CD3G: variants seen among roughly 807,000 people sequenced by gnomAD.
The protein encoded by CD3G is T-cell surface glycoprotein CD3 gamma chain.
Under a neutral mutation model 28.3 loss-of-function variants are expected in CD3G, and 24 were observed. That is an observed-to-expected ratio of 0.85 (90% CI 0.61 to 1.19). CD3G has a LOEUF of 1.19. Among genes scored for constraint, CD3G ranks in the 50% most tolerant of loss-of-function variants. The pLI is 0.00. For synonymous variants in CD3G, 71 were observed against 75.9 expected (o/e 0.93, Z 0.34); for missense variants, 211 against 210.0 (o/e 1.00, Z -0.03).
intron 2 of CD3G, chr11:118,349,263 G>A: frequency 6.8e-7 from 1 of 1,471,338 alleles, no homozygotes; most frequent in South Asian, 1.3e-5. Flanking sequence ...GTCTCTTACA[G>A]GAGAAGCAGG....
In CD3G at chr11:118,350,550, A is replaced by G; in HGVS notation, c.308-2A>G. The G allele has an allele frequency of 1.2e-6, 2 of 1,609,456 alleles. No homozygotes were observed. Among genetic ancestry groups the G allele is most frequent in the Non-Finnish European group, 1.7e-6 (2 of 1,175,840 alleles). On this transcript the variant is annotated splice_acceptor_variant, in intron 3 of 6. Transcript: ENST00000532917. LOFTEE classifies it high-confidence loss of function. ...AAGGTTTGTCTCTCCTTTTCCCTACAGTGTGTCAGAACTGCATTGAACTAA... is the reference window on the plus strand; with the variant it reads ...AAGGTTTGTCTCTCCTTTTCCCTACGGTGTGTCAGAACTGCATTGAACTAA...
At chr11:118,347,160 T>G (rs529824448) in intron 1 of CD3G, among the ~76,000 whole-genome samples, 103 of 152,286 alleles carry the variant, frequency 6.8e-4, no homozygotes, top group African/African-American at 2.3e-3. Context: ...TCACACACAC[T>G]CCACCTCTAG....
rs546958326 is a variant in CD3G at position 118,351,048 on chromosome 11, C to G, written c.439+365C>G. On this transcript the variant is annotated intron_variant, in intron 4 of 6. Coordinates refer to ENST00000532917, the MANE Select transcript of CD3G (RefSeq NM_000073.3). ...CTAAAAATACAAAAAATTAGCCGGG[C>G]GTGGTGGCGGGTGCCTGTAGTCCCA... The G allele has an allele frequency of 2.6e-5, 8 of 313,374 alleles. No individual in the cohort carries two copies. In the East Asian group the frequency reaches 8.7e-4, roughly 34 times the overall value. 19.4% of individuals were successfully genotyped at this position (313,374 alleles called of 1,614,324 possible). A position where few individuals can be genotyped will look rare whatever the true frequency, so the allele number is the denominator to read the frequency against.
intron 1 of CD3G, among the ~76,000 whole-genome samples, chr11:118,348,712 C>T: frequency 6.6e-6 from 1 of 152,210 alleles, no homozygotes; most frequent in Non-Finnish European, 1.5e-5. Flanking sequence ...CATCCTGAGT[C>T]ATTGCCATGC....
intron 6 of CD3G, 66 bp downstream of exon 6, chr11:118,352,553 A>C: frequency 2.8e-6 from 3 of 1,070,392 alleles, no homozygotes; most frequent in Non-Finnish European, 4.3e-6. Context: ...ATTGCTTCTA[A>C]GTCTAGCTCC....
chr11:118,352,628 T>C (rs1948420401), intron 6 of CD3G, 141 bp downstream of exon 6: 1 of 704,404 alleles, frequency 1.4e-6, no homozygotes, highest in African/African-American at 1.8e-5. Flanking sequence ...TTTGGGGTAC[T>C]CTTTTCTAAA....
intron 6 of CD3G, among the ~76,000 whole-genome samples, 151 bp from the exon 7 acceptor site, chr11:118,352,968 A>C (rs1200691464): frequency 6.6e-6 from 1 of 152,248 alleles, no homozygotes; most frequent in Non-Finnish European, 1.5e-5. Flanking sequence ...ACCCTTAGTT[A>C]AGAACCACTA....
intron 4 of CD3G, 106 bp downstream of exon 4, chr11:118,350,789 T>C: frequency 6.3e-7 from 1 of 1,593,790 alleles, no homozygotes; most frequent in Non-Finnish European, 8.5e-7. Flanking sequence ...TTCTTGCTAG[T>C]GTGCATAGTT....
At chr11:118,349,568 A>C in intron 2 of CD3G, 175 bp from the exon 3 acceptor site, 1 of 669,152 alleles carries the variant, frequency 1.5e-6, no homozygotes, top group South Asian at 1.8e-5. Flanking sequence ...AGTAATGCAG[A>C]ATCTCCCCTC....
At chr11:118,350,888 T>TAA in intron 4 of CD3G, 29 of 684,344 alleles carry the variant, frequency 4.2e-5, no homozygotes, top group South Asian at 1.4e-4. Context: ...GCTCCCTCTG[T>TAA]GAAAAAAAAA....
intron 5 of CD3G, among the ~76,000 whole-genome samples, 189 bp from the exon 6 acceptor site, chr11:118,352,215 C>CAA (rs564372344): frequency 4.5e-5 from 6 of 133,402 alleles, no homozygotes; most frequent in African/African-American, 5.5e-5. Flanking sequence ...GACTCCGTCT[C>CAA]AAAAAAAAAA....
chr11:118,350,897 A>G, intron 4 of CD3G: 1 of 1,233,606 alleles, frequency 8.1e-7, no homozygotes, highest in Non-Finnish European at 1.0e-6. Flanking sequence ...GTGAAAAAAA[A>G]AAAAAACAAA....
chr11:118,350,024 C>A, intron 3 of CD3G, 54 bp downstream of exon 3: 1 of 1,404,206 alleles, frequency 7.1e-7, no homozygotes, highest in Non-Finnish European at 1.0e-6. Context: ...ATTTGCTGTT[C>A]TGGTGAGCTT....
Position 118,344,367 on chromosome 11 carries a change from CT to C in CD3G, c.-56del. The C allele has an allele frequency of 8.9e-6, 13 of 1,453,936 alleles. No individual in the cohort carries two copies. The South Asian group carries it at 1.6e-4, about 18-fold the overall frequency. The allele number at this position is 1,453,936 out of a possible 1,614,324, so 90.1% of individuals were successfully genotyped here. Reference sequence around the variant, plus strand: ...CCAGTCTAGCTGCTGCACAGGCTGGCTGGCTGGCTGGCTGCTAAGGGCTGCT... The same window carrying C: ...CCAGTCTAGCTGCTGCACAGGCTGGCGGCTGGCTGGCTGCTAAGGGCTGCT... On this transcript the variant is annotated 5_prime_UTR_variant, in exon 1 of 7. Transcript: ENST00000532917.
chr11:118,346,823 C>CAA (rs34736081), intron 1 of CD3G, among the ~76,000 whole-genome samples: 5 of 106,626 alleles, frequency 4.7e-5, no homozygotes, highest in Non-Finnish European at 4.1e-5. Context: ...AAAGATGTCT[C>CAA]AAAAAAAAAA....
chr11:118,346,895 T>C (rs921320638), intron 1 of CD3G, among the ~76,000 whole-genome samples: 9 of 149,966 alleles, frequency 6.0e-5, no homozygotes, highest in Non-Finnish European at 1.3e-4. Context: ...GAATGAGGGG[T>C]CTCTGTCTTC....
chr11:118,351,159 C>T (rs372151293), intron 4 of CD3G, among the ~76,000 whole-genome samples: 1 of 143,036 alleles, frequency 7.0e-6, no homozygotes. Flanking sequence ...TGCACTCCAG[C>T]CTGGGCGACA....
intron 5 of CD3G, 128 bp from the exon 6 acceptor site, chr11:118,352,276 C>G (rs1281477211): frequency 1.7e-5 from 14 of 808,730 alleles, no homozygotes; most frequent in Non-Finnish European, 2.2e-5. Context: ...TCCTTGTCCT[C>G]TTTCCATCCT....
Position 118,344,764 on chromosome 11 carries a change from G to A in CD3G, c.55+286G>A, listed in dbSNP as rs564480322. Among the ~76,000 whole-genome samples, 7 of 152,308 alleles carry A rather than the reference G, an allele frequency of 4.6e-5. No individual in the cohort carries two copies. In the East Asian group the frequency reaches 1.3e-3, roughly 29 times the overall value. On this transcript the variant is annotated intron_variant, in intron 1 of 6. Coordinates refer to ENST00000532917, the MANE Select transcript of CD3G (RefSeq NM_000073.3). ...CTTAGATTTGAATGCAGCCCAAAAG[G>A]GCATAGGCCAAGAAACTAAAAGGAA...
Sources: allele counts gnomAD v4.1 joint callset (sites outside exome capture counted in the v4.1 genomes callset), GRCh38; gene constraint gnomAD v4.1.1; transcripts MANE v1.5; gene names NCBI Gene and HGNC (gene_info 2026-07-23, HGNC 2026-07-21).